PTGIS: variants seen among roughly 807,000 people sequenced by gnomAD.
PTGIS encodes prostaglandin I2 synthase, also known as prostacyclin synthase.
Under a neutral mutation model 50.3 loss-of-function variants are expected in PTGIS, and 45 were observed. The ratio of observed to expected loss-of-function variants is 0.90; its 90% CI spans 0.70 to 1.15. The LOEUF is 1.15. Ranked by LOEUF, PTGIS falls within the 50% of genes most tolerant of loss-of-function variation. The pLI is 0.00. For missense variants in PTGIS, 668 were observed against 661.3 expected (o/e 1.01, Z -0.11); for synonymous variants, 260 against 267.7 (o/e 0.97, Z 0.28).
intron 5 of PTGIS, among the ~76,000 whole-genome samples, chr20:49,525,673 C>A (rs1185005389): frequency 6.6e-6 from 1 of 151,238 alleles, no homozygotes; most frequent in Admixed American, 6.6e-5. Context: ...TTTATATGCA[C>A]AAATATAAAG....
In PTGIS at chr20:49,547,960, C is replaced by A. The variant is rs5621; in HGVS notation, c.258G>T (p.Val86=). ...CGAGCCTGGTGCGAGGCTCCCACACCACCGCGTCGTAGGAGTGTGGGTCCA... is the reference window on the plus strand; with the variant it reads ...CGAGCCTGGTGCGAGGCTCCCACACAACCGCGTCGTAGGAGTGTGGGTCCA... The part of the protein sequence containing the change: ...VLLDPHSYDA[V]VWEPRTRLDF... The change falls in exon 3 of 10, where the codon GTG becomes GTT. Residue 86 remains valine, a synonymous_variant. Coordinates refer to ENST00000244043, the MANE Select transcript of PTGIS (RefSeq NM_000961.4). 529 of 1,614,114 alleles carry A rather than the reference C, an allele frequency of 3.3e-4. 1 individual carries two copies. The African/African-American group carries it at 6.2e-3, about 19-fold the overall frequency.
chr20:49,526,093 T>C (rs1011595361), intron 5 of PTGIS, among the ~76,000 whole-genome samples: 1 of 152,214 alleles, frequency 6.6e-6, no homozygotes, highest in Non-Finnish European at 1.5e-5. Context: ...TTCTCCACTT[T>C]TCAGGCTCTC....
chr20:49,562,522 G>A (rs923700959), intron 1 of PTGIS, among the ~76,000 whole-genome samples: 1 of 152,246 alleles, frequency 6.6e-6, no homozygotes, highest in Non-Finnish European at 1.5e-5. Context: ...CAGCGGGGGC[G>A]AAGGAGGCTC....
In PTGIS at chr20:49,505,531, G is replaced by C. The variant is rs1326325780; in HGVS notation, c.*2389C>G. On this transcript the variant is annotated 3_prime_UTR_variant, in exon 10 of 10. Coordinates refer to ENST00000244043, the MANE Select transcript of PTGIS (RefSeq NM_000961.4). ...TTGGCCCTTCTTTGAAGGCAGGTGA[G>C]AATCTAGTCTCAGTGACAACCCAGC... The C allele has an allele frequency of 6.6e-6, 1 of 152,624 alleles. No individual in the cohort carries two copies. The highest frequency in any genetic ancestry group is 1.5e-5 in the Non-Finnish European group (1 of 68,060). 9.5% of individuals were successfully genotyped at this position (152,624 alleles called of 1,614,324 possible).
intron 6 of PTGIS, among the ~76,000 whole-genome samples, chr20:49,515,051 T>G (rs1446754584): frequency 6.6e-6 from 1 of 152,208 alleles, no homozygotes; most frequent in African/African-American, 2.4e-5. Context: ...TAAATGCTGA[T>G]GGGTGTATGC....
chr20:49,510,078 G>A (rs1464627356), intron 9 of PTGIS, among the ~76,000 whole-genome samples: 2 of 151,378 alleles, frequency 1.3e-5, no homozygotes, highest in Non-Finnish European at 2.9e-5. Flanking sequence ...TAGTAGAGAC[G>A]GGGTTTCACC....
chr20:49,558,824 C>T (rs1454496443), intron 1 of PTGIS, among the ~76,000 whole-genome samples: 5 of 151,940 alleles, frequency 3.3e-5, no homozygotes, highest in African/African-American at 1.2e-4. Context: ...AGTGATTCTC[C>T]TGCCTCAGCC....
At chr20:49,522,244 C>A (rs1469639391) in intron 6 of PTGIS, among the ~76,000 whole-genome samples, 1 of 152,078 alleles carries the variant, frequency 6.6e-6, no homozygotes, top group African/African-American at 2.4e-5. Context: ...ATCCCCATAT[C>A]TTCTCCAAGT....
chr20:49,539,433 G>A lies in PTGIS; in HGVS notation c.673+137C>T, dbSNP rs541686648. 17 of 1,069,248 alleles carry A rather than the reference G, an allele frequency of 1.6e-5. No individual in the cohort carries two copies. In the South Asian group the frequency reaches 2.7e-4, roughly 17 times the overall value. 66.2% of individuals were successfully genotyped at this position (1,069,248 alleles called of 1,614,324 possible). A position where few individuals can be genotyped will look rare whatever the true frequency, so the allele number is the denominator to read the frequency against. ...CATTGCGCTCTTGCATACCCCCAGT[G>A]ATGGGGATCTTACTGCCTCCCTGGG... On this transcript the variant is annotated intron_variant, in intron 5 of 9. Coordinates refer to ENST00000244043, the MANE Select transcript of PTGIS (RefSeq NM_000961.4).
chr20:49,533,317 C>A (rs1459023768), intron 5 of PTGIS, among the ~76,000 whole-genome samples: 1 of 151,856 alleles, frequency 6.6e-6, no homozygotes, highest in South Asian at 2.1e-4. Flanking sequence ...TGCCTTTTTC[C>A]CCAAAACAAT....
At position 49,544,354 on chromosome 20, in the gene PTGIS, C is replaced by T; in HGVS notation, c.472G>A (p.Gly158Ser). 1 of 1,614,186 alleles carries T rather than the reference C, an allele frequency of 6.2e-7. No individual in the cohort carries two copies. Among genetic ancestry groups the T allele is most frequent in the African/African-American group, 1.3e-5 (1 of 75,048 alleles). Residue 158 changes from glycine (G) to serine (S), a missense_variant, in exon 4 of 10, where the codon GGC (glycine) becomes AGC (serine). Gly to Ser is a moderately conservative substitution (Grantham distance 56). Transcript: ENST00000244043. Reference protein sequence around the residue: ...LLGDATEAGSGWHEMGLLDFS... With the variant: ...LLGDATEAGSSWHEMGLLDFS... ...TCGAGGAGACCCATCTCGTGCCAGC[C>T]ACTGCCTGCTTCTGTAGCATCGCCC...
intron 5 of PTGIS, among the ~76,000 whole-genome samples, chr20:49,527,539 TAGAAAGTAGAATAGAAGAGAC>T (rs1366728367): frequency 6.6e-6 from 1 of 152,046 alleles, no homozygotes; most frequent in African/African-American, 2.4e-5. Flanking sequence ...GAAAGTAGAA[TAGAAAGTAGAATAGAAGAGAC>T]AGAAAGTAGA....
At position 49,540,270 on chromosome 20, in the gene PTGIS, T is replaced by A. The variant is rs1982191036; in HGVS notation, c.522-549A>T. ...ACAGAGAAGGGGAGGAGATGCCTGC[T>A]CCCAGGGAGGGATTCAGGGAAGACT... On this transcript the variant is annotated intron_variant, in intron 4 of 9. Coordinates refer to ENST00000244043, the MANE Select transcript of PTGIS (RefSeq NM_000961.4). This position sits in a 1 kb window ranked among gnomAD's most constrained non-coding sequence, Gnocchi z 4.8. 6.6e-6 allele frequency among the ~76,000 whole-genome samples: 1 copy of A among 151,988 alleles called. No individual in the cohort carries two copies. Among genetic ancestry groups the A allele is most frequent in the Admixed American group, 6.6e-5 (1 of 15,260 alleles).
rs1471003967 is a variant in PTGIS, at chr20:49,564,891, G to T, written c.74+3152C>A. 7.9e-5 allele frequency among the ~76,000 whole-genome samples: 12 copies of T among 152,014 alleles called. No homozygotes were observed. The East Asian group carries it at 2.3e-3, about 29-fold the overall frequency. On this transcript the variant is annotated intron_variant, in intron 1 of 9. Transcript: ENST00000244043. ...GATAAAGAAATGAGACAAGGGAGCT[G>T]GAGAGCCTTGCTTATTTTAACCCAA...
At chr20:49,516,124 T>G (rs1287428782) in intron 6 of PTGIS, among the ~76,000 whole-genome samples, 5 of 150,650 alleles carry the variant, frequency 3.3e-5, no homozygotes, top group Admixed American at 1.3e-4. Context: ...CGAGCAGTCC[T>G]CCTGCCACAG....
At chr20:49,537,939 A>C (rs1982122563) in intron 5 of PTGIS, among the ~76,000 whole-genome samples, 1 of 152,096 alleles carries the variant, frequency 6.6e-6, no homozygotes, top group African/African-American at 2.4e-5. Flanking sequence ...TCTTTAATGA[A>C]ATACTATACG....
chr20:49,535,683 T>A (rs1003781433), intron 5 of PTGIS, among the ~76,000 whole-genome samples: 2 of 152,162 alleles, frequency 1.3e-5, no homozygotes, highest in African/African-American at 4.8e-5. Context: ...CCCGGCTAAT[T>A]TTTTGTATTT....
At chr20:49,534,876 C>T (rs779065532) in intron 5 of PTGIS, among the ~76,000 whole-genome samples, 4 of 152,156 alleles carry the variant, frequency 2.6e-5, no homozygotes, top group African/African-American at 4.8e-5. Context: ...CTCAGTGGCA[C>T]GTGCCTGTAG....
chr20:49,554,707 T>C (rs556519603), intron 1 of PTGIS, among the ~76,000 whole-genome samples: 60 of 152,314 alleles, frequency 3.9e-4, no homozygotes, highest in African/African-American at 1.3e-3. Flanking sequence ...AGTTTCTCTA[T>C]TAATTAAACA....
Sources: gnomAD v4.1 joint callset for allele counts (sites outside exome capture counted in the v4.1 genomes callset) on GRCh38, gnomAD v4.1.1 for gene constraint, Gnocchi (gnomAD v3.1) non-coding constraint, MANE v1.5 for transcripts, NCBI Gene and HGNC (gene_info 2026-07-23, HGNC 2026-07-21) for gene names.